LHCGR: variants seen among roughly 807,000 people sequenced by gnomAD.
LHCGR encodes the protein luteinizing hormone/choriogonadotropin receptor, also known as lutropin-choriogonadotropic hormone receptor.
A neutral mutation model predicts 60.7 loss-of-function variants in LHCGR; 55 were observed. The ratio of observed to expected loss-of-function variants is 0.91; its 90% CI spans 0.73 to 1.13. LHCGR has a LOEUF of 1.13. Ranked by LOEUF, LHCGR falls within the 50% of genes most tolerant of loss-of-function variation. The pLI is 0.00. For synonymous variants in LHCGR, 337 were observed against 316.5 expected (o/e 1.06, Z -0.69); for missense variants, 862 against 836.0 (o/e 1.03, Z -0.38).
intron 6 of LHCGR, 28 bp downstream of exon 6, chr2:48,723,428 C>A (rs1180549819): frequency 1.3e-6 from 2 of 1,515,336 alleles, no homozygotes; most frequent in East Asian, 2.3e-5. Context: ...GGCTGTATGG[C>A]AGAACACAAA....
At chr2:48,693,121 AC>A (rs1411245991) in intron 10 of LHCGR, among the ~76,000 whole-genome samples, 1 of 152,180 alleles carries the variant, frequency 6.6e-6, no homozygotes, top group Non-Finnish European at 1.5e-5. Flanking sequence ...CAAAAGAGTT[AC>A]ACAGAAGGTT....
chr2:48,743,826 G>A (rs1239492168), intron 1 of LHCGR, among the ~76,000 whole-genome samples: 3 of 152,010 alleles, frequency 2.0e-5, no homozygotes, highest in Admixed American at 6.6e-5. Flanking sequence ...TCAACATAGT[G>A]GTGGAAGTTC....
At chr2:48,725,318 T>C (rs1018447753) in intron 4 of LHCGR, among the ~76,000 whole-genome samples, 1 of 152,204 alleles carries the variant, frequency 6.6e-6, no homozygotes, top group Non-Finnish European at 1.5e-5. Flanking sequence ...GAATTGCCAC[T>C]CTCACTTTCA....
chr2:48,735,195 C>G (rs910506934), intron 1 of LHCGR, among the ~76,000 whole-genome samples: 2 of 152,326 alleles, frequency 1.3e-5, no homozygotes, highest in African/African-American at 4.8e-5. Flanking sequence ...GGTCCCCAAC[C>G]CTTCTAGTTG....
chr2:48,690,124 C>T (rs1238963967), intron 10 of LHCGR, among the ~76,000 whole-genome samples: 1 of 152,160 alleles, frequency 6.6e-6, no homozygotes, highest in Non-Finnish European at 1.5e-5. Flanking sequence ...TGGCCTTTCC[C>T]AAATACAAAG....
At chr2:48,748,102 C>T (rs1017737516) in intron 1 of LHCGR, among the ~76,000 whole-genome samples, 1 of 152,106 alleles carries the variant, frequency 6.6e-6, no homozygotes, top group Non-Finnish European at 1.5e-5. Flanking sequence ...AGAGATGATT[C>T]CCTGCTCTGA....
chr2:48,735,279 T>C (rs1483753471), intron 1 of LHCGR, among the ~76,000 whole-genome samples: 2 of 152,312 alleles, frequency 1.3e-5, no homozygotes, highest in African/African-American at 2.4e-5. Context: ...AGTACTGGGA[T>C]CTTGTGATTG....
At chr2:48,748,688 A>AGAAG (rs1558902368) in intron 1 of LHCGR, among the ~76,000 whole-genome samples, 9 of 152,322 alleles carry the variant, frequency 5.9e-5, no homozygotes, top group African/African-American at 2.2e-4. Flanking sequence ...GCATCATCAG[A>AGAAG]TTATTACAAT....
chr2:48,719,821 G>C (rs1668423035), intron 6 of LHCGR, among the ~76,000 whole-genome samples: 1 of 152,168 alleles, frequency 6.6e-6, no homozygotes, highest in African/African-American at 2.4e-5. Context: ...GAGAAGGCTT[G>C]CTTTCATTAT....
intron 3 of LHCGR, 93 bp downstream of exon 3, chr2:48,729,060 T>A: frequency 1.0e-6 from 1 of 995,806 alleles, no homozygotes; most frequent in Non-Finnish European, 1.6e-6. Context: ...TTTGGATTCC[T>A]AGCAGTGGAT....
intron 1 of LHCGR, among the ~76,000 whole-genome samples, chr2:48,731,506 T>C (rs879761552): frequency 2.0e-5 from 3 of 152,140 alleles, no homozygotes; most frequent in Non-Finnish European, 2.9e-5. Flanking sequence ...TGTATAATTT[T>C]GCGGTTAAGA....
chr2:48,724,507 T>G lies in LHCGR; in HGVS notation c.384-811A>C, dbSNP rs1171626734. 2.0e-5 allele frequency among the ~76,000 whole-genome samples: 3 copies of G among 152,164 alleles called. No individual in the cohort carries two copies. The East Asian group carries it at 5.8e-4, about 29-fold the overall frequency. On this transcript the variant is annotated intron_variant, in intron 4 of 10. Transcript: ENST00000294954. Reference sequence around the variant, plus strand: ...TGGCTCTCTCTGGTTCTCCTTCTTATCCAAAAGCCCAGGTCACACTGGATC... The same window carrying G: ...TGGCTCTCTCTGGTTCTCCTTCTTAGCCAAAAGCCCAGGTCACACTGGATC...
At chr2:48,717,731 T>A (rs1461269223) in intron 6 of LHCGR, among the ~76,000 whole-genome samples, 2 of 151,736 alleles carry the variant, frequency 1.3e-5, no homozygotes, top group Non-Finnish European at 2.9e-5. Context: ...GTCAGGTCAG[T>A]GGCCTGGGCT....
chr2:48,723,866 T>C (rs1022353401), intron 4 of LHCGR, among the ~76,000 whole-genome samples, 170 bp from the exon 5 acceptor site: 1 of 152,216 alleles, frequency 6.6e-6, no homozygotes, highest in African/African-American at 2.4e-5. Flanking sequence ...CTGAGAAAGA[T>C]TGTTGCAATT....
At chr2:48,713,366 A>G (rs995708104) in intron 7 of LHCGR, among the ~76,000 whole-genome samples, 1 of 152,130 alleles carries the variant, frequency 6.6e-6, no homozygotes, top group Non-Finnish European at 1.5e-5. Flanking sequence ...CAGCCCCACA[A>G]ACTTTGTGAA....
chr2:48,737,898 G>T (rs1197387578), intron 1 of LHCGR, among the ~76,000 whole-genome samples: 1 of 152,176 alleles, frequency 6.6e-6, no homozygotes, highest in East Asian at 1.9e-4. Context: ...CTTAGGAAAA[G>T]AGAAATGACT....
In LHCGR at chr2:48,687,322, T is replaced by C. The variant is rs1359369288; in HGVS notation, c.*375A>G. ...ACTACCTGAGGAAAAAGGCCAGTTA[T>C]TTTAAATTTCTGATCTGTTATGAAC... On this transcript the variant is annotated 3_prime_UTR_variant, in exon 11 of 11. Coordinates refer to ENST00000294954, the MANE Select transcript of LHCGR (RefSeq NM_000233.4). 5.4e-6 allele frequency: 1 copy of C among 185,428 alleles called. No individual in the cohort carries two copies. Among genetic ancestry groups the C allele is most frequent in the African/African-American group, 2.4e-5 (1 of 42,028 alleles). The allele number at this position is 185,428 out of a possible 1,614,324, so 11.5% of individuals were successfully genotyped here. A position where few individuals can be genotyped will look rare whatever the true frequency, so the allele number is the denominator to read the frequency against.
intron 1 of LHCGR, among the ~76,000 whole-genome samples, chr2:48,741,940 G>A (rs1316316238): frequency 3.9e-5 from 6 of 152,086 alleles, no homozygotes; most frequent in Admixed American, 2.6e-4. Context: ...CTGTATTCAG[G>A]AAACCCATGT....
intron 1 of LHCGR, among the ~76,000 whole-genome samples, chr2:48,745,181 A>C (rs981112423): frequency 9.2e-5 from 14 of 152,356 alleles, no homozygotes; most frequent in Non-Finnish European, 2.1e-4. Context: ...GCGATCATTA[A>C]AAAGTCAGGA....
Sources: allele counts gnomAD v4.1 joint callset (sites outside exome capture counted in the v4.1 genomes callset), GRCh38; gene constraint gnomAD v4.1.1; transcripts MANE v1.5; gene names NCBI Gene and HGNC (gene_info 2026-07-23, HGNC 2026-07-21).